GALNT13: variants seen among roughly 807,000 people sequenced by gnomAD.
GALNT13 encodes UDP-GalNAc:polypeptide N-acetylgalactosaminyltransferase 13.
Under a neutral mutation model 64.2 loss-of-function variants are expected in GALNT13, and 28 were observed. The ratio of observed to expected loss-of-function variants is 0.44; its 90% CI spans 0.32 to 0.60. The LOEUF (loss-of-function observed/expected upper bound fraction) is 0.60. Ranked by LOEUF, GALNT13 falls within the 20% of genes least tolerant of loss-of-function variation. GALNT13 has a pLI of 0.05. For synonymous variants in GALNT13, 214 were observed against 224.6 expected, an observed-to-expected ratio of 0.95 and a Z score of 0.42; for missense variants, 577 against 669.8, an observed-to-expected ratio of 0.86 and a Z score of 1.53.
At chr2:153,739,738 T>G in the GALNT13 span, among the ~76,000 whole-genome samples, 5 of 151,398 alleles carry the variant, frequency 3.3e-5, no homozygotes, top group African/African-American at 1.2e-4. Flanking sequence ...TACTTGATCA[T>G]GTATCCATGT....
At chr2:153,647,814 C>T in the GALNT13 span, among the ~76,000 whole-genome samples, 11 of 152,030 alleles carry the variant, frequency 7.2e-5, no homozygotes, top group African/African-American at 2.7e-4. Flanking sequence ...TGTTCTGTTC[C>T]ATTGGTCTAT....
intron 9 of GALNT13, among the ~76,000 whole-genome samples, chr2:154,393,330 G>T (rs2105356242): frequency 6.6e-6 from 1 of 152,248 alleles, no homozygotes; most frequent in Non-Finnish European, 1.5e-5. Context: ...CTGTGGCAAA[G>T]GAAAAGAAAG....
chr2:153,925,269 A>G (rs1378255853), intron 2 of GALNT13, among the ~76,000 whole-genome samples: 1 of 152,074 alleles, frequency 6.6e-6, no homozygotes, highest in Admixed American at 6.5e-5. Flanking sequence ...TTTTCTGCAT[A>G]TGGCTAGCCA....
At chr2:154,011,114 A>T (rs1402283462) in intron 3 of GALNT13, among the ~76,000 whole-genome samples, 1 of 151,572 alleles carries the variant, frequency 6.6e-6, no homozygotes, top group African/African-American at 2.4e-5. Context: ...CTGATTTTTT[A>T]AAATTTCTTT....
chr2:154,402,740 A>G (rs909407633), intron 10 of GALNT13, among the ~76,000 whole-genome samples: 3 of 152,190 alleles, frequency 2.0e-5, no homozygotes, highest in Non-Finnish European at 4.4e-5. Flanking sequence ...TGACCAAGCC[A>G]TTGTTACTGT....
the GALNT13 span, among the ~76,000 whole-genome samples, chr2:153,185,797 A>T: frequency 6.6e-6 from 1 of 152,104 alleles, no homozygotes; most frequent in Admixed American, 6.6e-5. Context: ...TGAGTTTACA[A>T]TGTGATTGTG....
At chr2:153,328,577 G>A in the GALNT13 span, among the ~76,000 whole-genome samples, 2 of 151,600 alleles carry the variant, frequency 1.3e-5, no homozygotes, top group East Asian at 1.9e-4. Context: ...CAGACAGTTC[G>A]AACTTCCCGG....
chr2:153,188,797 T>C, the GALNT13 span, among the ~76,000 whole-genome samples: 1 of 152,154 alleles, frequency 6.6e-6, no homozygotes, highest in Admixed American at 6.5e-5. Flanking sequence ...TAATTTGTTG[T>C]TAGTCTCTTT....
chr2:153,323,111 G>A, the GALNT13 span, among the ~76,000 whole-genome samples: 6 of 152,050 alleles, frequency 3.9e-5, no homozygotes, highest in Admixed American at 6.6e-5. Context: ...TTATACTCCC[G>A]CCAACAGTGT....
intron 3 of GALNT13, among the ~76,000 whole-genome samples, chr2:153,983,896 G>A (rs1005485882): frequency 1.3e-5 from 2 of 151,854 alleles, no homozygotes; most frequent in African/African-American, 2.4e-5. Flanking sequence ...TCTTCCTAAA[G>A]GAAAGCAAAG....
At chr2:153,741,987 A>G in the GALNT13 span, among the ~76,000 whole-genome samples, 247 of 152,304 alleles carry the variant, frequency 1.6e-3, 1 homozygote, top group African/African-American at 5.6e-3. Flanking sequence ...TAATTAGAAC[A>G]TTTGAAATTT....
chr2:153,206,424 A>C, the GALNT13 span, among the ~76,000 whole-genome samples: 1 of 151,762 alleles, frequency 6.6e-6, no homozygotes, highest in Non-Finnish European at 1.5e-5. Flanking sequence ...TTAATTTTTA[A>C]TTTTGTGGAT....
the GALNT13 span, among the ~76,000 whole-genome samples, chr2:153,742,097 G>C: frequency 6.6e-6 from 1 of 152,018 alleles, no homozygotes; most frequent in Non-Finnish European, 1.5e-5. Context: ...CTCCTTTGAT[G>C]CTTTGTACCT....
At chr2:154,097,536 A>G (rs374893126) in intron 3 of GALNT13, among the ~76,000 whole-genome samples, 1 of 152,074 alleles carries the variant, frequency 6.6e-6, no homozygotes, top group South Asian at 2.1e-4. Flanking sequence ...AATTATTAAA[A>G]CATATCTCCA....
chr2:153,214,660 T>G, the GALNT13 span, among the ~76,000 whole-genome samples: 1 of 152,148 alleles, frequency 6.6e-6, no homozygotes, highest in African/African-American at 2.4e-5. Flanking sequence ...AACTGGGACT[T>G]AAACATTTAC....
the GALNT13 span, among the ~76,000 whole-genome samples, chr2:153,227,871 A>G: frequency 6.6e-6 from 1 of 152,250 alleles, no homozygotes; most frequent in African/African-American, 2.4e-5. Flanking sequence ...CTGTTGGCTC[A>G]TGTAGAATAA....
chr2:153,618,781 G>T, the GALNT13 span, among the ~76,000 whole-genome samples: 39 of 151,790 alleles, frequency 2.6e-4, no homozygotes, highest in Middle Eastern at 3.4e-3. Flanking sequence ...GACCTTCTTT[G>T]TCTCTTTTTA....
chr2:154,316,351 T>G (rs998086974), intron 9 of GALNT13, among the ~76,000 whole-genome samples: 1 of 152,304 alleles, frequency 6.6e-6, no homozygotes, highest in African/African-American at 2.4e-5. Flanking sequence ...ACTAGGAATT[T>G]TGTACAACTT....
At chr2:153,837,807 G>A in the GALNT13 span, among the ~76,000 whole-genome samples, 1 of 152,112 alleles carries the variant, frequency 6.6e-6, no homozygotes, top group Admixed American at 6.6e-5. Flanking sequence ...GCTGGATCAT[G>A]TGGTAGCTAT....
Sources: allele counts gnomAD v4.1 joint callset (sites outside exome capture counted in the v4.1 genomes callset), GRCh38; gene constraint gnomAD v4.1.1; transcripts MANE v1.5; gene names NCBI Gene and HGNC (gene_info 2026-07-23, HGNC 2026-07-21).